The following MLLT3 variants were observed in gnomAD, a reference collection of about 807,000 sequenced individuals.
MLLT3 encodes MLLT3 super elongation complex subunit, also known as protein AF-9.
A neutral mutation model predicts 53.2 loss-of-function variants in MLLT3; 4 were observed. The observed-to-expected ratio is 0.08, with a 90% CI of 0.04 to 0.17. The LOEUF (loss-of-function observed/expected upper bound fraction) is 0.17. MLLT3 is among the 10% of genes least tolerant of loss of function. MLLT3 has a pLI of 1.00. For synonymous variants in MLLT3, 283 were observed against 230.6 expected (o/e 1.23, Z -2.06); for missense variants, 569 against 684.0 (o/e 0.83, Z 1.87).
At chr9:20,507,075 T>G (rs997840742) in intron 2 of MLLT3, among the ~76,000 whole-genome samples, 2 of 152,232 alleles carry the variant, frequency 1.3e-5, no homozygotes, top group Non-Finnish European at 2.9e-5. Context: ...AAGTAGGCCC[T>G]GGCTTAATGC....
intron 2 of MLLT3, among the ~76,000 whole-genome samples, chr9:20,466,938 G>A (rs935478241): frequency 6.6e-6 from 1 of 152,116 alleles, no homozygotes; most frequent in Non-Finnish European, 1.5e-5. Flanking sequence ...TCAAAAGGAA[G>A]AAGAAAATAA....
At chr9:20,376,175 G>C (rs1004089274) in intron 5 of MLLT3, among the ~76,000 whole-genome samples, 1 of 152,134 alleles carries the variant, frequency 6.6e-6, no homozygotes, top group African/African-American at 2.4e-5. Flanking sequence ...AAGGACACTA[G>C]AGTGCAACCT....
rs1008546978 is a variant in MLLT3 at position 20,473,736 on chromosome 9, GACA to G, written c.194-16953_194-16951del. On this transcript the variant is annotated intron_variant, in intron 2 of 10. Transcript: ENST00000380338. ...GAAAACCATTTAAAAAAAAGCAAAA[GACA>G]ACAAAAAAACTAACTATGCTAATAA... Among the ~76,000 whole-genome samples the G allele has an allele frequency of 8.6e-5, 13 of 151,652 alleles. 1 individual carries two copies. The highest frequency in any genetic ancestry group is 2.9e-5 in the Non-Finnish European group (2 of 67,890).
intron 2 of MLLT3, among the ~76,000 whole-genome samples, chr9:20,487,854 AT>A (rs1824852841): frequency 6.6e-6 from 1 of 152,168 alleles, no homozygotes; most frequent in African/African-American, 2.4e-5. Context: ...AACTGAAATT[AT>A]ATAGTATTTG....
intron 2 of MLLT3, among the ~76,000 whole-genome samples, chr9:20,540,098 A>G (rs1255662309): frequency 3.3e-5 from 5 of 152,220 alleles, no homozygotes; most frequent in Non-Finnish European, 1.5e-5. Flanking sequence ...TCTCACATCT[A>G]GGGCATGCTG....
At position 20,621,234 on chromosome 9, in the gene MLLT3, G is replaced by A. The variant is rs1020686408; in HGVS notation, c.13-400C>T. Reference sequence around the variant, plus strand: ...GAGGGGAGGTGGCTGGGACCCAGGGGGACCGAAGGGCTCCTGGCGAGCCCC... The same window carrying A: ...GAGGGGAGGTGGCTGGGACCCAGGGAGACCGAAGGGCTCCTGGCGAGCCCC... On this transcript the variant is annotated intron_variant, in intron 1 of 10. Transcript: ENST00000380338. The surrounding 1 kb of genome is among the most constrained non-coding windows in gnomAD (Gnocchi z 7.0). Among the ~76,000 whole-genome samples the A allele has an allele frequency of 6.6e-6, 1 of 152,180 alleles. No individual in the cohort carries two copies. Among genetic ancestry groups the A allele is most frequent in the Non-Finnish European group, 1.5e-5 (1 of 68,018 alleles).
At chr9:20,365,324 G>T (rs931734419) in intron 6 of MLLT3, among the ~76,000 whole-genome samples, 2 of 151,118 alleles carry the variant, frequency 1.3e-5, no homozygotes, top group Non-Finnish European at 3.0e-5. Flanking sequence ...CATTAAGATG[G>T]TTTTTTTTTG....
At chr9:20,473,670 G>C (rs1824451693) in intron 2 of MLLT3, among the ~76,000 whole-genome samples, 3 of 151,798 alleles carry the variant, frequency 2.0e-5, no homozygotes, top group Admixed American at 2.0e-4. Flanking sequence ...TTTCCCATAA[G>C]AACTGTCAAG....
chr9:20,525,127 A>T (rs888989196), intron 2 of MLLT3, among the ~76,000 whole-genome samples: 1 of 118,112 alleles, frequency 8.5e-6, no homozygotes, highest in Non-Finnish European at 1.6e-5. Flanking sequence ...AAGAAAGACT[A>T]AAAAAAAAAA....
chr9:20,421,334 AT>A (rs751544282), intron 4 of MLLT3, among the ~76,000 whole-genome samples: 1 of 152,080 alleles, frequency 6.6e-6, no homozygotes, highest in Non-Finnish European at 1.5e-5. Context: ...AGCACTTCAT[AT>A]AAAAAAAACT....
chr9:20,410,336 T>C (rs1344020364), intron 5 of MLLT3, among the ~76,000 whole-genome samples: 4 of 152,174 alleles, frequency 2.6e-5, no homozygotes, highest in African/African-American at 9.7e-5. Flanking sequence ...AATAGCTAAC[T>C]TACATTTTTT....
At chr9:20,617,062 G>T (rs1645458697) in intron 2 of MLLT3, among the ~76,000 whole-genome samples, 1 of 152,126 alleles carries the variant, frequency 6.6e-6, no homozygotes, top group Non-Finnish European at 1.5e-5. Flanking sequence ...AAAATGCACA[G>T]CAGTAAAACT....
rs77514491 is a variant in MLLT3, at chr9:20,529,140, C to T, written c.194-72354G>A. Among the ~76,000 whole-genome samples the T allele has an allele frequency of 5.1e-4, 78 of 152,296 alleles. 1 individual carries two copies. In the East Asian group the frequency reaches 0.012, roughly 23 times the overall value. Reference sequence around the variant, plus strand: ...GACTCTAGGGCCACACCTGAGACTACGCCTTACAATCTGGGTATGCAGCCT... The same window carrying T: ...GACTCTAGGGCCACACCTGAGACTATGCCTTACAATCTGGGTATGCAGCCT... On this transcript the variant is annotated intron_variant, in intron 2 of 10. Transcript: ENST00000380338.
Position 20,343,801 on chromosome 9 carries a change from C to T in MLLT3, c.*2642G>A, listed in dbSNP as rs543140164. ...AGAAACCAGAGCCACTGTTAGGGTA[C>T]TCACATGTCAAAGATATTCTTAATA... On this transcript the variant is annotated 3_prime_UTR_variant, in exon 11 of 11. Coordinates refer to ENST00000380338, the MANE Select transcript of MLLT3 (RefSeq NM_004529.4). 4.7e-6 allele frequency: 1 copy of T among 212,698 alleles called. No homozygotes were observed. Among genetic ancestry groups the T allele is most frequent in the Non-Finnish European group, 9.5e-6 (1 of 105,242 alleles). 13.2% of individuals were successfully genotyped at this position (212,698 alleles called of 1,614,324 possible). A position where few individuals can be genotyped will look rare whatever the true frequency, so the allele number is the denominator to read the frequency against.
At chr9:20,499,432 T>G (rs973656572) in intron 2 of MLLT3, among the ~76,000 whole-genome samples, 1 of 152,176 alleles carries the variant, frequency 6.6e-6, no homozygotes, top group African/African-American at 2.4e-5. Flanking sequence ...ACAGGATATT[T>G]CTACATCTTC....
At chr9:20,545,856 C>CAAAAAAAA (rs5896901) in intron 2 of MLLT3, among the ~76,000 whole-genome samples, 11 of 99,792 alleles carry the variant, frequency 1.1e-4, no homozygotes, top group East Asian at 2.8e-4. Flanking sequence ...CAGTCTCTAC[C>CAAAAAAAA]AAAAAAAAAA....
At chr9:20,444,531 A>G (rs1463572257) in intron 4 of MLLT3, among the ~76,000 whole-genome samples, 1 of 152,090 alleles carries the variant, frequency 6.6e-6, no homozygotes, top group Admixed American at 6.6e-5. Context: ...TAAGTTCTCA[A>G]GTTGTTCTTT....
chr9:20,357,484 T>C (rs982761483), intron 8 of MLLT3, among the ~76,000 whole-genome samples: 18 of 152,360 alleles, frequency 1.2e-4, no homozygotes, highest in African/African-American at 4.3e-4. Flanking sequence ...TTAGTAGCAC[T>C]TTTGTCTTTA....
At chr9:20,552,815 T>C (rs1188090543) in intron 2 of MLLT3, among the ~76,000 whole-genome samples, 2 of 152,052 alleles carry the variant, frequency 1.3e-5, no homozygotes, top group Non-Finnish European at 2.9e-5. Flanking sequence ...CATATAAAAA[T>C]CCCACGTAGA....
Sources: gnomAD v4.1 joint callset for allele counts (sites outside exome capture counted in the v4.1 genomes callset) on GRCh38, gnomAD v4.1.1 for gene constraint, Gnocchi (gnomAD v3.1) non-coding constraint, MANE v1.5 for transcripts, NCBI Gene and HGNC (gene_info 2026-07-23, HGNC 2026-07-21) for gene names.